HIF3A: variants seen among roughly 807,000 people sequenced by gnomAD.
HIF3A encodes hypoxia inducible factor 3 subunit alpha, also known as hypoxia-inducible factor 3-alpha.
Under a neutral mutation model 67.2 loss-of-function variants are expected in HIF3A, and 41 were observed. That is an observed-to-expected ratio of 0.61 (90% confidence interval 0.48 to 0.79). The LOEUF (loss-of-function observed/expected upper bound fraction) is 0.79. Ranked by LOEUF, HIF3A falls within the 30% of genes least tolerant of loss-of-function variation. HIF3A has a pLI of 0.00. For synonymous variants in HIF3A, 356 were observed against 374.8 expected (o/e 0.95, Z 0.58); for missense variants, 855 against 898.0 (o/e 0.95, Z 0.61).
chr19:46,299,831 A>T (rs920019723), intron 1 of HIF3A, among the ~76,000 whole-genome samples: 14 of 152,040 alleles, frequency 9.2e-5, no homozygotes, highest in African/African-American at 3.4e-4. Context: ...GGGGCGGGAC[A>T]CCCAACAGGT....
At chr19:46,333,490 C>G (rs1284635884) in intron 13 of HIF3A, among the ~76,000 whole-genome samples, 1 of 152,146 alleles carries the variant, frequency 6.6e-6, no homozygotes, top group Admixed American at 6.6e-5. Flanking sequence ...AATAAATACC[C>G]TACCTGCTGG....
At chr19:46,314,944 C>T (rs1388640181) in intron 8 of HIF3A, among the ~76,000 whole-genome samples, 1 of 147,196 alleles carries the variant, frequency 6.8e-6, no homozygotes, top group Non-Finnish European at 1.5e-5. Flanking sequence ...TGTCCTCAGA[C>T]CCCAGAGTTT....
chr19:46,330,268 A>C (rs1027642540), intron 12 of HIF3A, among the ~76,000 whole-genome samples: 1 of 152,180 alleles, frequency 6.6e-6, no homozygotes, highest in Non-Finnish European at 1.5e-5. Context: ...TTGGCACTTT[A>C]ATGGGTGGAC....
At chr19:46,338,811 G>T (rs1342830463) in intron 14 of HIF3A, among the ~76,000 whole-genome samples, 1 of 152,086 alleles carries the variant, frequency 6.6e-6, no homozygotes, top group Non-Finnish European at 1.5e-5. Context: ...TCTGGACTCG[G>T]GTTCTTCACC....
At chr19:46,304,614 CCA>C in intron 2 of HIF3A, among the ~76,000 whole-genome samples, 1 of 152,138 alleles carries the variant, frequency 6.6e-6, no homozygotes. Flanking sequence ...GCGGGCTTTG[CCA>C]CGCACGTGCA....
chr19:46,325,559 G>A lies in HIF3A; in HGVS notation c.1360G>A (p.Val454Met), dbSNP rs1970721064. 1 of 1,613,308 alleles carries A rather than the reference G, an allele frequency of 6.2e-7. No homozygotes were observed. The highest frequency in any genetic ancestry group is 8.5e-7 in the Non-Finnish European group (1 of 1,179,848). Residue 454 changes from valine (V) to methionine (M), a missense_variant, in exon 11 of 15, where the codon GTG (valine) becomes ATG (methionine). This residue lies in a region of HIF3A where 638 missense variants were observed against 660.5 expected (regional missense o/e 0.97). Transcript: ENST00000377670. ...LSADLPDELP[V>M]GTENVHRLFT... Reference sequence around the variant, plus strand: ...GGCTGATCTCCCAGATGAACTACCTGTGGGCACCGAGAATGTGCACAGACT... The same window carrying A: ...GGCTGATCTCCCAGATGAACTACCTATGGGCACCGAGAATGTGCACAGACT...
At chr19:46,303,576 C>T (rs1057004364) in intron 1 of HIF3A, 1 of 1,528,642 alleles carries the variant, frequency 6.5e-7, no homozygotes, top group African/African-American at 1.4e-5. Flanking sequence ...CCCCAGGCGT[C>T]CCTAGCCTGG....
Position 46,321,918 on chromosome 19 carries a change from C to T in HIF3A, c.1287C>T (p.Ala429=). 4.3e-6 allele frequency: 7 copies of T among 1,614,060 alleles called. No homozygotes were observed. The highest frequency in any genetic ancestry group is 5.9e-6 in the Non-Finnish European group (7 of 1,180,030). Residue 429 remains alanine (A), a synonymous_variant, in exon 10 of 15, where the codon GCC becomes GCT. Transcript: ENST00000377670. ...GPILDGASVA[A]TPSTPLATRH... ...TCCTGGATGGGGCTTCAGTAGCAGC[C>T]ACTCCCAGCACCCCGCTGGCCACAC...
chr19:46,298,978 TTCC>T (rs1188777061), intron 1 of HIF3A, among the ~76,000 whole-genome samples: 2 of 152,232 alleles, frequency 1.3e-5, no homozygotes, highest in African/African-American at 4.8e-5. Context: ...TTATTATGCC[TTCC>T]TCATGGGTGG....
chr19:46,315,632 G>A (rs1253812512), intron 8 of HIF3A, among the ~76,000 whole-genome samples: 4 of 152,168 alleles, frequency 2.6e-5, no homozygotes, highest in Non-Finnish European at 4.4e-5. Context: ...AAACTGCCAT[G>A]GCTGGGCACA....
chr19:46,339,752 C>T lies in HIF3A; in HGVS notation c.*130C>T. The T allele has an allele frequency of 1.9e-6, 1 of 536,626 alleles. No homozygotes were observed. Among genetic ancestry groups the T allele is most frequent in the Non-Finnish European group, 3.2e-6 (1 of 312,692 alleles). The allele number at this position is 536,626 out of a possible 1,614,324, so 33.2% of individuals were successfully genotyped here. A position where few individuals can be genotyped will look rare whatever the true frequency, so the allele number is the denominator to read the frequency against. ...CTCTCTCCTCTATGTACCCCCTGCC[C>T]ACCTCGGGCCTACCTCAGCCCTCAC... is the stretch of plus-strand genomic sequence containing the variant. On this transcript the variant is annotated 3_prime_UTR_variant, in exon 15 of 15. Coordinates refer to ENST00000377670, the MANE Select transcript of HIF3A (RefSeq NM_152795.4).
chr19:46,335,284 T>A (rs555943666), intron 14 of HIF3A, among the ~76,000 whole-genome samples: 9 of 124,182 alleles, frequency 7.2e-5, no homozygotes, highest in Middle Eastern at 3.8e-3. Flanking sequence ...TTATTTATTT[T>A]TTGAGATGAA....
chr19:46,334,821 G>A, intron 13 of HIF3A, 84 bp from the exon 14 acceptor site: 1 of 1,147,626 alleles, frequency 8.7e-7, no homozygotes, highest in Non-Finnish European at 1.3e-6. Flanking sequence ...CCCCGAAAGT[G>A]CTGGGATTAC....
At position 46,309,339 on chromosome 19, in the gene HIF3A, G is replaced by C. The variant is rs771391928; in HGVS notation, c.750G>C (p.Lys250Asn). 6.9e-5 allele frequency: 111 copies of C among 1,611,364 alleles called. No individual in the cohort carries two copies. The highest frequency in any genetic ancestry group is 8.7e-5 in the Non-Finnish European group (102 of 1,178,996). ...TCAGCCGCCACAGCCTGGACATGAA[G>C]TTCACCTACTGTGACGACAGGTGGG... ...AFLSRHSLDM[K>N]FTYCDDRIAE... is the part of the protein sequence containing the mutation. Residue 250 changes from lysine to asparagine, a missense_variant, in exon 6 of 15, where the codon AAG becomes AAC. By Grantham distance (94) the Lys-to-Asn change is moderately conservative (BLOSUM62 0). Transcript: ENST00000377670.
chr19:46,327,893 T>A (rs750632734), intron 11 of HIF3A, among the ~76,000 whole-genome samples: 1 of 152,236 alleles, frequency 6.6e-6, no homozygotes, highest in Non-Finnish European at 1.5e-5. Context: ...GAAAGTTTTC[T>A]TCTCCTCAGG....
In HIF3A at chr19:46,325,578, A is replaced by G. The variant is rs1300560324; in HGVS notation, c.1379A>G (p.His460Arg). 6.2e-7 allele frequency: 1 copy of G among 1,613,634 alleles called. No homozygotes were observed. The highest frequency in any genetic ancestry group is 1.1e-5 in the South Asian group (1 of 91,056). Residue 460 changes from histidine to arginine, a missense_variant, in exon 11 of 15, where the codon CAC becomes CGC. Transcript: ENST00000377670. Reference protein sequence around the residue: ...DELPVGTENVHRLFTSGKDTE... With the variant: ...DELPVGTENVRRLFTSGKDTE... Reference sequence around the variant, plus strand: ...CTACCTGTGGGCACCGAGAATGTGCACAGACTCTTCACCTCCGGGAAAGAC... The same window carrying G: ...CTACCTGTGGGCACCGAGAATGTGCGCAGACTCTTCACCTCCGGGAAAGAC...
At chr19:46,302,669 TTCAAGA>T (rs1968445416) in intron 1 of HIF3A, among the ~76,000 whole-genome samples, 1 of 151,640 alleles carries the variant, frequency 6.6e-6, no homozygotes, top group African/African-American at 2.4e-5. Context: ...AGTTCAGGAG[TTCAAGA>T]CCAGCCTGGG....
chr19:46,312,548 T>C lies in HIF3A; in HGVS notation c.920T>C (p.Leu307Pro). Residue 307 changes from leucine (L) to proline (P), a missense_variant, in exon 8 of 15, where the codon CTG (leucine) becomes CCG (proline). Physicochemically the swap from Leu to Pro is moderately conservative, Grantham distance 98. Transcript: ENST00000377670. ...GCAGTAACAGGGCAGTATCGCTTCC[T>C]GGCCCGGAGTGGTGGCTACCTGTGG... Reference protein sequence around the residue: ...GQAVTGQYRFLARSGGYLWTQ... With the variant: ...GQAVTGQYRFPARSGGYLWTQ... 1.9e-6 allele frequency: 3 copies of C among 1,613,844 alleles called. No individual in the cohort carries two copies. The highest frequency in any genetic ancestry group is 2.5e-6 in the Non-Finnish European group (3 of 1,179,918).
At chr19:46,326,759 T>G (rs1301672461) in intron 11 of HIF3A, among the ~76,000 whole-genome samples, 2 of 152,016 alleles carry the variant, frequency 1.3e-5, no homozygotes, top group Non-Finnish European at 2.9e-5. Flanking sequence ...ACACTACTAT[T>G]CAAAAAGGAG....
Sources: gnomAD v4.1 joint callset for allele counts (sites outside exome capture counted in the v4.1 genomes callset) on GRCh38, gnomAD v4.1.1 for gene constraint, gnomAD v4.1.1 regional missense constraint, MANE v1.5 for transcripts, NCBI Gene and HGNC (gene_info 2026-07-23, HGNC 2026-07-21) for gene names.